Variants in CHRM3 observed in about 807,000 individuals in gnomAD.
CHRM3 encodes cholinergic receptor muscarinic 3, also known as muscarinic acetylcholine receptor M3.
A neutral mutation model predicts 41.8 loss-of-function variants in CHRM3; 11 were observed. The observed-to-expected ratio is 0.26, with a 90% CI of 0.17 to 0.44. CHRM3 has a LOEUF of 0.44. Ranked by LOEUF, CHRM3 falls within the 20% of genes least tolerant of loss-of-function variation. The pLI, the probability that CHRM3 is intolerant of heterozygous loss-of-function variation, is 1.00. For synonymous variants in CHRM3, 297 were observed against 301.4 expected, an observed-to-expected ratio of 0.99 and a Z score of 0.15; for missense variants, 571 against 745.4, an observed-to-expected ratio of 0.77 and a Z score of 2.72.
intron 5 of CHRM3, among the ~76,000 whole-genome samples, chr1:239,728,526 G>C (rs946550352): frequency 6.6e-6 from 1 of 151,888 alleles, no homozygotes; most frequent in Non-Finnish European, 1.5e-5. Context: ...AGTTCACAAT[G>C]GTAGTTCAGT....
At chr1:239,397,687 TTATA>T (rs35998550) in intron 1 of CHRM3, among the ~76,000 whole-genome samples, 52 of 144,344 alleles carry the variant, frequency 3.6e-4, no homozygotes, top group Admixed American at 9.1e-4. Flanking sequence ...ATACATGTAT[TTATA>T]TATATATATA....
intron 4 of CHRM3, among the ~76,000 whole-genome samples, chr1:239,666,661 T>A (rs140580083): frequency 2.1e-3 from 326 of 152,140 alleles, no homozygotes; most frequent in African/African-American, 7.4e-3. Context: ...CATTAGACAC[T>A]CTCTCTCTCT....
chr1:239,676,652 G>A lies in CHRM3; in HGVS notation c.-249-1534G>A, dbSNP rs115257245. On this transcript the variant is annotated intron_variant, in intron 4 of 6. Coordinates refer to ENST00000676153, the MANE Select transcript of CHRM3 (RefSeq NM_001375978.1). ...GTAAGGGGGACTGGCCCCAGTTTTA[G>A]CCACTACTCCAAGGCTGCACAAATC... 1.3e-3 allele frequency among the ~76,000 whole-genome samples: 193 copies of A among 152,228 alleles called. 1 individual carries two copies. The highest frequency in any genetic ancestry group is 4.4e-3 in the African/African-American group (184 of 41,552).
chr1:239,897,485 G>T (rs1377913868), intron 6 of CHRM3, among the ~76,000 whole-genome samples: 2 of 152,124 alleles, frequency 1.3e-5, no homozygotes, highest in African/African-American at 2.4e-5. Flanking sequence ...AGTTATATTA[G>T]ATCAGCTGGT....
chr1:239,712,184 A>C (rs1667855530), intron 5 of CHRM3, among the ~76,000 whole-genome samples: 1 of 152,208 alleles, frequency 6.6e-6, no homozygotes, highest in African/African-American at 2.4e-5. Context: ...ATGTTTAAAA[A>C]ATAATTTTAT....
intron 5 of CHRM3, among the ~76,000 whole-genome samples, chr1:239,777,467 A>G (rs1055050373): frequency 1.1e-4 from 17 of 152,212 alleles, no homozygotes; most frequent in Non-Finnish European, 2.2e-4. Context: ...AAGCTGTGCT[A>G]TTTGGGGTGG....
intron 3 of CHRM3, among the ~76,000 whole-genome samples, chr1:239,597,289 C>T (rs1392025669): frequency 2.0e-5 from 3 of 152,032 alleles, no homozygotes; most frequent in African/African-American, 4.8e-5. Flanking sequence ...TTTCATTTTT[C>T]GTGTTATAAA....
intron 6 of CHRM3, among the ~76,000 whole-genome samples, chr1:239,904,521 TG>T (rs1051323143): frequency 7.9e-5 from 12 of 152,204 alleles, no homozygotes; most frequent in African/African-American, 2.2e-4. Context: ...GGTATCTGGA[TG>T]GGGGGAGAGC....
At chr1:239,606,816 T>C (rs1197583547) in intron 3 of CHRM3, among the ~76,000 whole-genome samples, 1 of 152,202 alleles carries the variant, frequency 6.6e-6, no homozygotes, top group Non-Finnish European at 1.5e-5. Context: ...CTTTAAATTC[T>C]AATGGAAACT....
At chr1:239,548,123 C>G (rs1484433868) in intron 3 of CHRM3, among the ~76,000 whole-genome samples, 1 of 152,180 alleles carries the variant, frequency 6.6e-6, no homozygotes, top group Non-Finnish European at 1.5e-5. Context: ...TATTATGAAT[C>G]AACTTAAGAT....
intron 6 of CHRM3, among the ~76,000 whole-genome samples, chr1:239,876,417 C>T (rs1276097209): frequency 5.3e-5 from 8 of 152,070 alleles, no homozygotes. Context: ...TCAGGCAATC[C>T]GAGGGCAAGA....
rs114037154 is a variant in CHRM3 at position 239,835,502 on chromosome 1, T to C, written c.-20+8124T>C. Reference sequence around the variant, plus strand: ...TTTTCACTTAGAAAATAATTATTTATTTAACAACATTTCTTGACTTTCTTC... The same window carrying C: ...TTTTCACTTAGAAAATAATTATTTACTTAACAACATTTCTTGACTTTCTTC... On this transcript the variant is annotated intron_variant, in intron 6 of 6. Transcript: ENST00000676153. 5.4e-3 allele frequency among the ~76,000 whole-genome samples: 824 copies of C among 152,274 alleles called. 12 individuals carry two copies. Among genetic ancestry groups the C allele is most frequent in the African/African-American group, 0.019 (789 of 41,554 alleles).
chr1:239,817,712 T>C (rs561273893), intron 5 of CHRM3, among the ~76,000 whole-genome samples: 1 of 151,650 alleles, frequency 6.6e-6, no homozygotes, highest in African/African-American at 2.4e-5. Flanking sequence ...ACACACACAC[T>C]CGCACAGATC....
intron 1 of CHRM3, among the ~76,000 whole-genome samples, chr1:239,458,025 C>T (rs952090886): frequency 6.6e-6 from 1 of 151,552 alleles, no homozygotes; most frequent in African/African-American, 2.4e-5. Context: ...CAGGAAAGTA[C>T]GTGCCACAGG....
intron 6 of CHRM3, among the ~76,000 whole-genome samples, chr1:239,887,213 G>A (rs1678146891): frequency 6.6e-6 from 1 of 150,570 alleles, no homozygotes. Context: ...TTTTTTTTTG[G>A]CGGGGGTATA....
intron 1 of CHRM3, among the ~76,000 whole-genome samples, chr1:239,430,416 C>T (rs1241918909): frequency 3.9e-5 from 6 of 151,996 alleles, no homozygotes; most frequent in South Asian, 2.1e-4. Context: ...TGCAAATCAC[C>T]GATATGCATC....
chr1:239,726,795 CTGTG>C (rs548558939), intron 5 of CHRM3, among the ~76,000 whole-genome samples: 47 of 151,884 alleles, frequency 3.1e-4, no homozygotes, highest in Non-Finnish European at 8.8e-5. Flanking sequence ...GTTGATGAGA[CTGTG>C]TGTTTGTTAA....
chr1:239,756,102 A>T (rs1666221769), intron 5 of CHRM3, among the ~76,000 whole-genome samples: 1 of 152,164 alleles, frequency 6.6e-6, no homozygotes, highest in South Asian at 2.1e-4. Flanking sequence ...TGTCATTCTG[A>T]CCTACAGATT....
At chr1:239,878,458 C>T (rs2102853800) in intron 6 of CHRM3, among the ~76,000 whole-genome samples, 1 of 152,136 alleles carries the variant, frequency 6.6e-6, no homozygotes, top group South Asian at 2.1e-4. Context: ...CTGTAAATAC[C>T]GATGAGGCTT....
Sources: allele counts gnomAD v4.1 joint callset (sites outside exome capture counted in the v4.1 genomes callset), GRCh38; gene constraint gnomAD v4.1.1; transcripts MANE v1.5; gene names NCBI Gene and HGNC (gene_info 2026-07-23, HGNC 2026-07-21).